The following SLC25A26 variants were observed in gnomAD, a reference collection of about 807,000 sequenced individuals.
SLC25A26 encodes mitochondrial S-adenosylmethionine carrier protein.
A neutral mutation model predicts 37.8 loss-of-function variants in SLC25A26; 36 were observed. The observed-to-expected ratio is 0.95, with a 90% CI of 0.73 to 1.26. The LOEUF (loss-of-function observed/expected upper bound fraction) is 1.26. SLC25A26 is among the 50% of genes most tolerant of loss of function. SLC25A26 has a pLI of 0.00. For missense variants in SLC25A26, 390 were observed against 331.1 expected (o/e 1.18, Z -1.38); for synonymous variants, 129 against 122.5 (o/e 1.05, Z -0.35).
At chr3:66,250,923 T>C (rs956544118) in intron 3 of SLC25A26, among the ~76,000 whole-genome samples, 1 of 152,184 alleles carries the variant, frequency 6.6e-6, no homozygotes, top group South Asian at 2.1e-4. Context: ...AGTCAACATA[T>C]CCATCATTTA....
chr3:66,150,069 C>G (rs555632261), intron 1 of SLC25A26, among the ~76,000 whole-genome samples: 1 of 152,194 alleles, frequency 6.6e-6, no homozygotes, highest in East Asian at 1.9e-4. Flanking sequence ...TACAAAGACA[C>G]AGAAGATGGA....
intron 5 of SLC25A26, among the ~76,000 whole-genome samples, chr3:66,274,605 C>T (rs1353921611): frequency 1.3e-5 from 2 of 152,252 alleles, no homozygotes; most frequent in Non-Finnish European, 2.9e-5. Context: ...TGAACAGACA[C>T]TTCTCCAGAG....
intron 1 of SLC25A26, among the ~76,000 whole-genome samples, chr3:66,178,577 T>C (rs2070634393): frequency 6.6e-6 from 1 of 152,116 alleles, no homozygotes; most frequent in Non-Finnish European, 1.5e-5. Flanking sequence ...GTTCTCCTGA[T>C]AGACTAAGAG....
At chr3:66,270,376 A>G (rs991907107) in intron 5 of SLC25A26, among the ~76,000 whole-genome samples, 1 of 152,196 alleles carries the variant, frequency 6.6e-6, no homozygotes, top group Non-Finnish European at 1.5e-5. Context: ...ATGCAAACAT[A>G]TTGAACCCTA....
chr3:66,353,087 C>G (rs757242631), intron 6 of SLC25A26, among the ~76,000 whole-genome samples: 1 of 152,088 alleles, frequency 6.6e-6, no homozygotes, highest in Non-Finnish European at 1.5e-5. Context: ...CACAGACAAC[C>G]CAGAGAGGTG....
At chr3:66,277,496 G>A (rs1424677371) in intron 5 of SLC25A26, among the ~76,000 whole-genome samples, 4 of 151,922 alleles carry the variant, frequency 2.6e-5, no homozygotes, top group Admixed American at 6.6e-5. Context: ...GGATCAGCAG[G>A]TTCTGGGTAT....
intron 5 of SLC25A26, among the ~76,000 whole-genome samples, chr3:66,345,427 C>T (rs2107734129): frequency 6.6e-6 from 1 of 151,598 alleles, no homozygotes; most frequent in Non-Finnish European, 1.5e-5. Context: ...CCAGTCTCCT[C>T]CCTCCTCTTT....
intron 5 of SLC25A26, among the ~76,000 whole-genome samples, chr3:66,342,596 G>C: frequency 6.6e-6 from 1 of 152,150 alleles, no homozygotes; most frequent in Non-Finnish European, 1.5e-5. Flanking sequence ...TGGCTTCAAA[G>C]ATAATTCTAG....
rs77371020 is a variant in SLC25A26 at position 66,141,392 on chromosome 3, C to A, written c.-354+7408C>A. On this transcript the variant is annotated intron_variant, in intron 1 of 10. Coordinates refer to the SLC25A26 transcript ENST00000676754. ...CAGCCATGTACCACCACACTCAACT[C>A]CTACCAAAGAAAGTTTTCAAATAAT... Among the ~76,000 whole-genome samples, 481 of 151,986 alleles carry A rather than the reference C, an allele frequency of 3.2e-3. 23 individuals carry two copies. The East Asian group carries it at 0.065, about 20-fold the overall frequency.
intron 2 of SLC25A26, among the ~76,000 whole-genome samples, chr3:66,240,257 A>G (rs2072509872): frequency 6.6e-6 from 1 of 152,178 alleles, no homozygotes; most frequent in Non-Finnish European, 1.5e-5. Flanking sequence ...AGTATGTGCT[A>G]CAGTTAATTT....
intron 6 of SLC25A26, among the ~76,000 whole-genome samples, chr3:66,354,530 A>G (rs1416553141): frequency 1.3e-5 from 2 of 152,202 alleles, no homozygotes; most frequent in East Asian, 1.9e-4. Flanking sequence ...CATAAAAGCT[A>G]TGTTTTCAAG....
chr3:66,263,961 C>T (rs974910765), intron 5 of SLC25A26, among the ~76,000 whole-genome samples: 1 of 152,006 alleles, frequency 6.6e-6, no homozygotes, highest in Non-Finnish European at 1.5e-5. Flanking sequence ...CCCGGCCTCC[C>T]GGCCTCTTAT....
At chr3:66,366,299 C>A (rs943844878) in intron 7 of SLC25A26, among the ~76,000 whole-genome samples, 1 of 152,164 alleles carries the variant, frequency 6.6e-6, no homozygotes. Context: ...TTAAATAAAA[C>A]GTAGAAAATA....
Position 66,236,685 on chromosome 3 carries a change from G to T in SLC25A26, c.175G>T (p.Gly59Ter). Residue 59 changes from glycine to a stop codon, truncating the protein, a stop_gained, in exon 2 of 10, where the codon GGA (glycine) becomes TGA (stop). Transcript: ENST00000354883. LOFTEE classifies it high-confidence loss of function. ...IYAGVPSAAI[G>*]SFPNAAAFFI... ...TGCTGGCGTTCCTTCTGCTGCTATTGGATCCTTTCCTAATGGTAAAAAATT... is the reference window on the plus strand; with the variant it reads ...TGCTGGCGTTCCTTCTGCTGCTATTTGATCCTTTCCTAATGGTAAAAAATT... 1 of 1,518,194 alleles carries T rather than the reference G, an allele frequency of 6.6e-7. No homozygotes were observed. Among genetic ancestry groups the T allele is most frequent in the Non-Finnish European group, 8.8e-7 (1 of 1,134,270 alleles). The allele number at this position is 1,518,194 out of a possible 1,614,324, so 94.0% of individuals were successfully genotyped here.
In SLC25A26 at chr3:66,226,342, G is replaced by A. The variant is rs577309637; in HGVS notation, c.33+5215G>A. ...AGACTTATTCACTATCACCAGAACA[G>A]AATGGGAAAGACCTGCCACCATGAT... On this transcript the variant is annotated intron_variant, in intron 1 of 9. Coordinates refer to ENST00000354883, the MANE Select transcript of SLC25A26 (RefSeq NM_001379210.1). Among the ~76,000 whole-genome samples, 15 of 152,286 alleles carry A rather than the reference G, an allele frequency of 9.8e-5. No individual in the cohort carries two copies. In the South Asian group the frequency reaches 2.7e-3, roughly 27 times the overall value.
intron 6 of SLC25A26, among the ~76,000 whole-genome samples, chr3:66,348,367 T>C (rs1483258654): frequency 6.6e-6 from 1 of 152,212 alleles, no homozygotes; most frequent in East Asian, 1.9e-4. Context: ...ATGTTATGCA[T>C]GCGTGCACAC....
chr3:66,315,261 T>C (rs1013826091), intron 5 of SLC25A26, among the ~76,000 whole-genome samples: 7 of 152,118 alleles, frequency 4.6e-5, no homozygotes, highest in African/African-American at 1.7e-4. Flanking sequence ...TAGGCATTTA[T>C]TGCTATAAAT....
At chr3:66,210,672 G>A (rs1480242022) in intron 1 of SLC25A26, among the ~76,000 whole-genome samples, 2 of 152,038 alleles carry the variant, frequency 1.3e-5, no homozygotes, top group Non-Finnish European at 2.9e-5. Flanking sequence ...GCCAACATGC[G>A]AGGCTAATTT....
At chr3:66,356,547 T>G (rs369006607) in intron 6 of SLC25A26, among the ~76,000 whole-genome samples, 36 of 152,322 alleles carry the variant, frequency 2.4e-4, no homozygotes, top group South Asian at 2.3e-3. Context: ...GGTCTGTAGC[T>G]TAGTTAATAG....
Sources: gnomAD v4.1 joint callset for allele counts (sites outside exome capture counted in the v4.1 genomes callset) on GRCh38, gnomAD v4.1.1 for gene constraint, MANE v1.5 for transcripts, NCBI Gene and HGNC (gene_info 2026-07-23, HGNC 2026-07-21) for gene names.